The following IFFO1 variants were observed in gnomAD, a reference collection of about 807,000 sequenced individuals.
IFFO1 encodes non-homologous end joining factor IFFO1.
In IFFO1, 42 loss-of-function variants were observed where a neutral mutation model predicts 59.6. The ratio of observed to expected loss-of-function variants is 0.70; its 90% CI spans 0.55 to 0.91. The LOEUF (loss-of-function observed/expected upper bound fraction) is 0.91. IFFO1 is among the 40% of genes least tolerant of loss of function. The pLI is 0.00. For missense variants in IFFO1, 711 were observed against 793.2 expected (o/e 0.90, Z 1.24); for synonymous variants, 336 against 342.8 (o/e 0.98, Z 0.22).
chr12:6,554,448 ATCCCTT>A (rs1947354543), intron 1 of IFFO1, among the ~76,000 whole-genome samples: 1 of 152,126 alleles, frequency 6.6e-6, no homozygotes, highest in Non-Finnish European at 1.5e-5. Flanking sequence ...CTGGCATCAC[ATCCCTT>A]TCCCTTGCCC....
rs144019095 is a variant in IFFO1, at chr12:6,540,540, C to T, written c.1659G>A (p.Pro553=). ...TAVPLSDPPP[P]PSEAEDSDRD... ...GATCGGAGTCCTCAGCCTCGCTTGG[C>T]GGCGGCGGCGGGTCGCTAAGCGGGA... Residue 553 remains proline (P), a synonymous_variant, in exon 10 of 10, where the codon CCG becomes CCA. Transcript: ENST00000619571. The T allele has an allele frequency of 2.5e-6, 4 of 1,605,496 alleles. No individual in the cohort carries two copies. Among genetic ancestry groups the T allele is most frequent in the African/African-American group, 2.7e-5 (2 of 74,620 alleles).
intron 1 of IFFO1, chr12:6,551,408 A>T: frequency 7.7e-7 from 1 of 1,302,716 alleles, no homozygotes; most frequent in Non-Finnish European, 1.0e-6. Context: ...CTTCAGTCGC[A>T]CAGATCCGGG....
rs898774483 is a variant in IFFO1, at chr12:6,549,418, T to C, written c.1080+58A>G. 1.1e-5 allele frequency: 17 copies of C among 1,607,350 alleles called. No individual in the cohort carries two copies. In the East Asian group the frequency reaches 1.6e-4, roughly 15 times the overall value. ...GGCCCAAACTGAGGGCCAGGAGGCC[T>C]AGGCAGCTTAGAAACTGGGACTGGG... On this transcript the variant is annotated intron_variant, in intron 5 of 9. Coordinates refer to ENST00000619571, the MANE Select transcript of IFFO1 (RefSeq NM_001193457.2). This position sits in a 1 kb window ranked among gnomAD's most constrained non-coding sequence, Gnocchi z 5.0.
Position 6,548,272 on chromosome 12 carries a change from G to A in IFFO1, c.1384-112C>T, listed in dbSNP as rs1476493704. ...GAGAGGAAGTCTGGTTAAAGAAACTGGAGAAAGAAAAGCAAAAGGATAAAG... is the reference window on the plus strand; with the variant it reads ...GAGAGGAAGTCTGGTTAAAGAAACTAGAGAAAGAAAAGCAAAAGGATAAAG... On this transcript the variant is annotated intron_variant, in intron 7 of 9. Transcript: ENST00000619571. This position sits in a 1 kb window ranked among gnomAD's most constrained non-coding sequence, Gnocchi z 6.1. The A allele has an allele frequency of 1.0e-5, 14 of 1,352,780 alleles. No individual in the cohort carries two copies. The East Asian group carries it at 3.0e-4, about 29-fold the overall frequency. 83.8% of individuals were successfully genotyped at this position (1,352,780 alleles called of 1,614,324 possible). A position where few individuals can be genotyped will look rare whatever the true frequency, so the allele number is the denominator to read the frequency against.
intron 9 of IFFO1, among the ~76,000 whole-genome samples, chr12:6,540,809 G>A (rs1404792526): frequency 6.6e-6 from 1 of 152,236 alleles, no homozygotes; most frequent in East Asian, 1.9e-4. Context: ...CAGAGGCTGA[G>A]GTCAGGCATG....
rs567555360 is a variant in IFFO1, at chr12:6,553,099, T to C, written c.774-2098A>G. Among the ~76,000 whole-genome samples the C allele has an allele frequency of 2.0e-5, 3 of 152,170 alleles. No individual in the cohort carries two copies. In the South Asian group the frequency reaches 6.2e-4, roughly 32 times the overall value. On this transcript the variant is annotated intron_variant, in intron 1 of 9. Coordinates refer to ENST00000619571, the MANE Select transcript of IFFO1 (RefSeq NM_001193457.2). Reference sequence around the variant, plus strand: ...ACCTCCCAGTGTAGCGCTCAAGCCATCCCAGGCCTTCCAGGCAGAAGACAG... The same window carrying C: ...ACCTCCCAGTGTAGCGCTCAAGCCACCCCAGGCCTTCCAGGCAGAAGACAG...
intron 8 of IFFO1, among the ~76,000 whole-genome samples, chr12:6,544,562 T>G (rs1946866649): frequency 6.6e-6 from 1 of 152,162 alleles, no homozygotes; most frequent in African/African-American, 2.4e-5. Context: ...CAGGGAAGAC[T>G]AGGGAGAGAT....
Position 6,548,486 on chromosome 12 carries a change from G to T in IFFO1, c.1322C>A (p.Thr441Asn). The T allele has an allele frequency of 6.2e-7, 1 of 1,613,910 alleles. No individual in the cohort carries two copies. ...DSLTWEETEE[T>N]LLLWEDFSGY... ...TGAGAAATCCTCCCAAAGCAGCAGG[G>T]TCTCCTCAGTCTCCTCCCAAGTCAG... The change falls in exon 7 of 10, where the codon ACC becomes AAC. Residue 441 changes from threonine (T) to asparagine (N), a missense_variant. Coordinates refer to ENST00000619571, the MANE Select transcript of IFFO1 (RefSeq NM_001193457.2). The surrounding 1 kb of genome is among the most constrained non-coding windows in gnomAD (Gnocchi z 6.1).
At chr12:6,550,361 G>A (rs546588052) in intron 3 of IFFO1, 18 of 441,468 alleles carry the variant, frequency 4.1e-5, no homozygotes, top group Middle Eastern at 6.2e-4. Flanking sequence ...GAGCGCACGC[G>A]TTTATTTCCC....
In IFFO1 at chr12:6,548,657, T is replaced by C; in HGVS notation, c.1262+11A>G. 6.2e-7 allele frequency: 1 copy of C among 1,614,044 alleles called. No individual in the cohort carries two copies. On this transcript the variant is annotated intron_variant, in intron 6 of 9. Coordinates refer to ENST00000619571, the MANE Select transcript of IFFO1 (RefSeq NM_001193457.2). The surrounding 1 kb of genome is among the most constrained non-coding windows in gnomAD (Gnocchi z 6.1). ...GCGTCGGTGCTGCGGGAGCACGGCCTGCGGACTCACAGCTGGTTGAGCATG... is the reference window on the plus strand; with the variant it reads ...GCGTCGGTGCTGCGGGAGCACGGCCCGCGGACTCACAGCTGGTTGAGCATG...
rs760950431 is a variant in IFFO1 at position 6,541,311 on chromosome 12, C to T, written c.1610+201G>A. Reference sequence around the variant, plus strand: ...GGTGGCCTTGGGAGGTTTCAGCCCTCCCGTCATGAATGGACATAGCTCATC... The same window carrying T: ...GGTGGCCTTGGGAGGTTTCAGCCCTTCCGTCATGAATGGACATAGCTCATC... On this transcript the variant is annotated intron_variant, in intron 9 of 9. Transcript: ENST00000619571. The surrounding 1 kb of genome is among the most constrained non-coding windows in gnomAD (Gnocchi z 4.8). Among the ~76,000 whole-genome samples, 1 of 152,180 alleles carries T rather than the reference C, an allele frequency of 6.6e-6. No individual in the cohort carries two copies.
intron 8 of IFFO1, among the ~76,000 whole-genome samples, chr12:6,542,762 G>C (rs1017925257): frequency 6.6e-6 from 1 of 152,284 alleles, no homozygotes; most frequent in South Asian, 2.1e-4. Context: ...TTCAACCCAG[G>C]GGGAAAATAC....
Position 6,550,694 on chromosome 12 carries a change from C to A in IFFO1, c.930+1G>T. 6.2e-7 allele frequency: 1 copy of A among 1,612,606 alleles called. No individual in the cohort carries two copies. Among genetic ancestry groups the A allele is most frequent in the Non-Finnish European group, 8.5e-7 (1 of 1,178,598 alleles). ...CTCGGGAAGCCTGGGGCTGCACTCA[C>A]GTTACTCATGAGCCCCTTGAAGACC... is the stretch of plus-strand genomic sequence containing the variant. On this transcript the variant is annotated splice_donor_variant, in intron 3 of 9. Transcript: ENST00000619571. LOFTEE classifies it high-confidence loss of function.
Position 6,539,651 on chromosome 12 carries a change from GA to G in IFFO1, c.*831del. 6.6e-6 allele frequency: 1 copy of G among 152,378 alleles called. No homozygotes were observed. Among genetic ancestry groups the G allele is most frequent in the East Asian group, 1.9e-4 (1 of 5,182 alleles). 9.4% of individuals were successfully genotyped at this position (152,378 alleles called of 1,614,324 possible). On this transcript the variant is annotated 3_prime_UTR_variant, in exon 10 of 10. Coordinates refer to ENST00000619571, the MANE Select transcript of IFFO1 (RefSeq NM_001193457.2). ...CCCCAGCTTCTCCAGGCTTTTCCAA[GA>G]ATCAGGGACACTGTAGCCTGTTGGT...
intron 1 of IFFO1, among the ~76,000 whole-genome samples, chr12:6,552,865 C>T (rs561111605): frequency 2.6e-5 from 4 of 152,190 alleles, no homozygotes; most frequent in Admixed American, 6.5e-5. Flanking sequence ...TCCATCTGGT[C>T]TCACTTATAA....
At chr12:6,551,416 G>A (rs909550501) in intron 1 of IFFO1, 16 of 1,300,520 alleles carry the variant, frequency 1.2e-5, no homozygotes, top group Non-Finnish European at 1.3e-5. Context: ...GCACAGATCC[G>A]GGCTCCCGCC....
At chr12:6,552,370 C>T (rs1209870811) in intron 1 of IFFO1, among the ~76,000 whole-genome samples, 1 of 152,192 alleles carries the variant, frequency 6.6e-6, no homozygotes, top group Admixed American at 6.6e-5. Context: ...CCACACAGCC[C>T]AGCTCCCAGC....
intron 8 of IFFO1, chr12:6,543,482 C>T (rs1481388077): frequency 6.6e-6 from 1 of 152,360 alleles, no homozygotes; most frequent in Non-Finnish European, 1.5e-5. Flanking sequence ...CTTACGTGAA[C>T]TGTGCATGCG....
Position 6,541,400 on chromosome 12 carries a change from C to G in IFFO1, c.1610+112G>C. On this transcript the variant is annotated intron_variant, in intron 9 of 9. Transcript: ENST00000619571. This position sits in a 1 kb window ranked among gnomAD's most constrained non-coding sequence, Gnocchi z 4.8. ...CCACCAGGTAACTCCCAAAGGGCAGCCCCACAGCAAGATGTGACCCAGTCA... is the reference window on the plus strand; with the variant it reads ...CCACCAGGTAACTCCCAAAGGGCAGGCCCACAGCAAGATGTGACCCAGTCA... 10 of 1,389,734 alleles carry G rather than the reference C, an allele frequency of 7.2e-6. No individual in the cohort carries two copies. Among genetic ancestry groups the G allele is most frequent in the Non-Finnish European group, 9.9e-6 (10 of 1,015,162 alleles). 86.1% of individuals were successfully genotyped at this position (1,389,734 alleles called of 1,614,324 possible). A position where few individuals can be genotyped will look rare whatever the true frequency, so the allele number is the denominator to read the frequency against.
Sources: allele counts gnomAD v4.1 joint callset (sites outside exome capture counted in the v4.1 genomes callset), GRCh38; gene constraint gnomAD v4.1.1; non-coding constraint Gnocchi (gnomAD v3.1); transcripts MANE v1.5; gene names NCBI Gene and HGNC (gene_info 2026-07-23, HGNC 2026-07-21).